The following PCDHGA2 variants were observed in gnomAD, a reference collection of about 807,000 sequenced individuals.
PCDHGA2 encodes protocadherin gamma-A2.
PCDHGA2 carries 40 observed loss-of-function variants against 59.2 expected under a neutral mutation model. That is an observed-to-expected ratio of 0.68 (90% CI 0.52 to 0.88). The LOEUF (loss-of-function observed/expected upper bound fraction) is 0.88, where lower values mean the gene tolerates loss of function less well. Among genes scored for constraint, PCDHGA2 ranks in the 40% least tolerant of loss-of-function variants. PCDHGA2 has a pLI of 0.00. For synonymous variants in PCDHGA2, 560 were observed against 526.0 expected (o/e 1.06, Z -0.89); for missense variants, 1,226 against 1,204.0 (o/e 1.02, Z -0.27).
At chr5:141,384,266 C>A in intron 1 of PCDHGA2, 1 of 1,613,876 alleles carries the variant, frequency 6.2e-7, no homozygotes, top group Non-Finnish European at 8.5e-7. Context: ...CCCCACTCAT[C>A]CTACTCAGTC....
chr5:141,487,041 G>T lies in PCDHGA2; in HGVS notation c.2425-7766G>T, dbSNP rs149314216. Reference sequence around the variant, plus strand: ...GATCCCAGCCTGTTTGCAGTCTCTCGATATGCTGGGGAGGTGCGGACGGCT... The same window carrying T: ...GATCCCAGCCTGTTTGCAGTCTCTCTATATGCTGGGGAGGTGCGGACGGCT... On this transcript the variant is annotated intron_variant, in intron 1 of 3. Transcript: ENST00000394576. This position sits in a 1 kb window ranked among gnomAD's most constrained non-coding sequence, Gnocchi z 5.0. 6.2e-7 allele frequency: 1 copy of T among 1,614,132 alleles called. No homozygotes were observed. The highest frequency in any genetic ancestry group is 8.5e-7 in the Non-Finnish European group (1 of 1,180,030).
chr5:141,441,954 C>T, intron 1 of PCDHGA2: 1 of 319,608 alleles, frequency 3.1e-6, no homozygotes, highest in Non-Finnish European at 6.0e-6. Context: ...TGCAGGCCAG[C>T]AAGCCCAGGC....
chr5:141,410,435 G>C (rs772158163), intron 1 of PCDHGA2: 5 of 1,614,054 alleles, frequency 3.1e-6, no homozygotes, highest in Non-Finnish European at 4.2e-6. Flanking sequence ...CAACTACAGT[G>C]AGGGGACTTT....
chr5:141,410,065 G>C, intron 1 of PCDHGA2: 1 of 1,612,938 alleles, frequency 6.2e-7, no homozygotes, highest in South Asian at 1.1e-5. Context: ...GCCTGGGGCT[G>C]CGCACTGGGG....
chr5:141,361,727 C>A, intron 1 of PCDHGA2: 1 of 1,613,274 alleles, frequency 6.2e-7, no homozygotes, highest in Non-Finnish European at 8.5e-7. Flanking sequence ...TTCGAGCTCA[C>A]ACTGCAGGCC....
chr5:141,422,397 C>T (rs753017439), intron 1 of PCDHGA2: 4 of 1,597,606 alleles, frequency 2.5e-6, no homozygotes, highest in East Asian at 4.5e-5. Context: ...TTCCTAACCA[C>T]CTGCCTTTTA....
intron 1 of PCDHGA2, among the ~76,000 whole-genome samples, chr5:141,448,728 C>T (rs575604763): frequency 6.6e-6 from 1 of 151,986 alleles, no homozygotes; most frequent in Non-Finnish European, 1.5e-5. Context: ...ATCACGAGGT[C>T]AGGAGATCGA....
At chr5:141,443,448 T>C (rs1205977008) in intron 1 of PCDHGA2, among the ~76,000 whole-genome samples, 1 of 152,210 alleles carries the variant, frequency 6.6e-6, no homozygotes, top group African/African-American at 2.4e-5. Context: ...GTTGCGCTCC[T>C]GTACTCCAGT....
At chr5:141,468,403 A>C (rs2099166784) in intron 1 of PCDHGA2, 1 of 152,088 alleles carries the variant, frequency 6.6e-6, no homozygotes, top group African/African-American at 2.4e-5. Flanking sequence ...GGTGAGAACT[A>C]ATAATAAGTT....
intron 1 of PCDHGA2, chr5:141,374,760 C>T (rs1255992375): frequency 6.2e-7 from 1 of 1,613,440 alleles, no homozygotes; most frequent in South Asian, 1.1e-5. Context: ...TCAAGCGTCG[C>T]CCAAATTCTG....
chr5:141,401,342 C>CA (rs929380194), intron 1 of PCDHGA2, among the ~76,000 whole-genome samples: 26 of 150,494 alleles, frequency 1.7e-4, no homozygotes, highest in East Asian at 1.6e-3. Context: ...AACTCCATCT[C>CA]AAAAAAAAGG....
intron 1 of PCDHGA2, chr5:141,408,907 C>T: frequency 6.2e-7 from 1 of 1,613,244 alleles, no homozygotes; most frequent in East Asian, 2.2e-5. Context: ...TCAAGGATAC[C>T]AATGATAACC....
In PCDHGA2 at chr5:141,339,602, G is replaced by A. The variant is rs201113857; in HGVS notation, c.631G>A (p.Val211Ile). Residue 211 changes from valine to isoleucine, a missense_variant, in exon 1 of 4, where the codon GTT (valine) becomes ATT (isoleucine). Coordinates refer to ENST00000394576, the MANE Select transcript of PCDHGA2 (RefSeq NM_018915.4). ...CGAGGAAGAGGCTGTTCACCACCTCGTTCTCGTGGCTTCTGATGGGGGTGA... is the reference window on the plus strand; with the variant it reads ...CGAGGAAGAGGCTGTTCACCACCTCATTCTCGTGGCTTCTGATGGGGGTGA... ...DREEEAVHHL[V>I]LVASDGGDPV... 1.1e-5 allele frequency: 17 copies of A among 1,614,210 alleles called. No individual in the cohort carries two copies. The African/African-American group carries it at 1.7e-4, about 16-fold the overall frequency.
intron 1 of PCDHGA2, among the ~76,000 whole-genome samples, chr5:141,400,819 C>T (rs1316119038): frequency 6.6e-6 from 1 of 152,132 alleles, no homozygotes; most frequent in Non-Finnish European, 1.5e-5. Context: ...TTTACCTATT[C>T]GTTGTCTCAT....
intron 2 of PCDHGA2, among the ~76,000 whole-genome samples, chr5:141,503,598 C>CAAAAAAA (rs765754054): frequency 1.5e-5 from 1 of 65,730 alleles, no homozygotes; most frequent in Non-Finnish European, 3.4e-5. Flanking sequence ...GACTCCAGCT[C>CAAAAAAA]AAAAAAAAAA....
At position 141,476,645 on chromosome 5, in the gene PCDHGA2, A is replaced by G. The variant is rs150444699; in HGVS notation, c.2425-18162A>G. The G allele has an allele frequency of 1.2e-4, 199 of 1,614,128 alleles. No homozygotes were observed. Among genetic ancestry groups the G allele is most frequent in the Non-Finnish European group, 1.6e-4 (194 of 1,180,060 alleles). ...TTTACAAACCTATGAGCTGAGCCGA[A>G]ATGAATACTTTGCGCTTCGCGTGCA... On this transcript the variant is annotated intron_variant, in intron 1 of 3. Transcript: ENST00000394576. The surrounding 1 kb of genome is among the most constrained non-coding windows in gnomAD (Gnocchi z 7.6).
chr5:141,502,884 A>T (rs2099816871), intron 2 of PCDHGA2, among the ~76,000 whole-genome samples: 1 of 36,804 alleles, frequency 2.7e-5, no homozygotes, highest in African/African-American at 3.5e-4. Context: ...TTTTTTTGAC[A>T]GGGAGTCTAG....
In PCDHGA2 at chr5:141,405,069, C is replaced by T. The variant is rs200974828; in HGVS notation, c.2424+63674C>T. On this transcript the variant is annotated intron_variant, in intron 1 of 3. Coordinates refer to ENST00000394576, the MANE Select transcript of PCDHGA2 (RefSeq NM_018915.4). ...GCAGTCGTCTCCTGTGTCTTCCTCA[C>T]CTTCGTTATCACGCTGCTGGCCCTC... is the stretch of plus-strand genomic sequence containing the variant. 1.3e-4 allele frequency: 215 copies of T among 1,613,758 alleles called. No individual in the cohort carries two copies. The highest frequency in any genetic ancestry group is 1.7e-4 in the Non-Finnish European group (203 of 1,179,762).
At chr5:141,366,814 C>G (rs1764814519) in intron 1 of PCDHGA2, 6 of 1,549,164 alleles carry the variant, frequency 3.9e-6, no homozygotes, top group African/African-American at 2.7e-5. Context: ...TTTCATGTTT[C>G]TGTCATATTC....
Sources: allele counts gnomAD v4.1 joint callset (sites outside exome capture counted in the v4.1 genomes callset), GRCh38; gene constraint gnomAD v4.1.1; non-coding constraint Gnocchi (gnomAD v3.1); transcripts MANE v1.5; gene names NCBI Gene and HGNC (gene_info 2026-07-23, HGNC 2026-07-21).